RAB4B: variants seen among roughly 807,000 people sequenced by gnomAD.
The protein encoded by RAB4B is ras-related protein Rab-4B.
RAB4B carries 15 observed loss-of-function variants against 28.3 expected under a neutral mutation model. That is an observed-to-expected ratio of 0.53 (90% confidence interval 0.35 to 0.82). The LOEUF (loss-of-function observed/expected upper bound fraction) is 0.82, where lower values mean the gene tolerates loss of function less well. RAB4B is among the 40% of genes least tolerant of loss of function. RAB4B has a pLI of 0.01. For missense variants in RAB4B, 244 were observed against 288.5 expected (o/e 0.85, Z 1.12); for synonymous variants, 108 against 116.3 (o/e 0.93, Z 0.46).
At chr19:40,789,566 C>T (rs1416390179) in intron 7 of RAB4B, among the ~76,000 whole-genome samples, 1 of 145,298 alleles carries the variant, frequency 6.9e-6, no homozygotes, top group Non-Finnish European at 1.5e-5. Context: ...TGCAGTGGCA[C>T]GATCTCGGCT....
chr19:40,782,141 A>G (rs948067316), intron 3 of RAB4B, among the ~76,000 whole-genome samples: 2 of 152,122 alleles, frequency 1.3e-5, no homozygotes, highest in Admixed American at 6.6e-5. Flanking sequence ...TGCTGAGTTA[A>G]TTCTTGCGTA....
At chr19:40,794,232 GC>G (rs200039365) in intron 7 of RAB4B, among the ~76,000 whole-genome samples, 9,957 of 151,652 alleles carry the variant, frequency 0.066, 396 homozygotes, top group East Asian at 0.2. Context: ...CCGCCACCAC[GC>G]CCAGCTAATT....
At chr19:40,781,396 A>G (rs2083046526) in intron 3 of RAB4B, among the ~76,000 whole-genome samples, 1 of 152,108 alleles carries the variant, frequency 6.6e-6, no homozygotes, top group African/African-American at 2.4e-5. Context: ...AGAGGGAGAC[A>G]GGGTGAGTCA....
intron 7 of RAB4B, chr19:40,792,650 T>C (rs1246737167): frequency 6.6e-6 from 1 of 152,250 alleles, no homozygotes; most frequent in Non-Finnish European, 1.5e-5. Flanking sequence ...TTTCGTTTCT[T>C]GGCACTAAAA....
intron 7 of RAB4B, among the ~76,000 whole-genome samples, chr19:40,793,652 G>A (rs1352832078): frequency 3.4e-5 from 5 of 147,366 alleles, no homozygotes; most frequent in East Asian, 2.1e-4. Context: ...CTTGCCGGGC[G>A]CAGTGGCTCA....
chr19:40,781,112 T>TAAAAAAAAAA (rs941942424), intron 3 of RAB4B, among the ~76,000 whole-genome samples: 3 of 76,670 alleles, frequency 3.9e-5, no homozygotes, highest in African/African-American at 9.9e-5. Context: ...GTGTCTCTAC[T>TAAAAAAAAAA]AAAAAAAAAA....
intron 7 of RAB4B, among the ~76,000 whole-genome samples, chr19:40,788,390 G>A (rs1178049332): frequency 6.6e-6 from 1 of 151,014 alleles, no homozygotes; most frequent in Non-Finnish European, 1.5e-5. Flanking sequence ...AGGCTGAGGT[G>A]GGAGGATGGC....
chr19:40,793,565 C>CTTTTTTGTTTTTTTTTTTTTTTTTT (rs2083178769), intron 7 of RAB4B, among the ~76,000 whole-genome samples: 1 of 123,838 alleles, frequency 8.1e-6, no homozygotes, highest in East Asian at 2.5e-4. Flanking sequence ...CTTTTCTTTT[C>CTTTTTTGTTTTTTTTTTTTTTTTTT]TTTTTTGTTT....
chr19:40,782,416 T>C (rs1382154657), intron 3 of RAB4B, among the ~76,000 whole-genome samples: 1 of 151,938 alleles, frequency 6.6e-6, no homozygotes, highest in East Asian at 1.9e-4. Flanking sequence ...GGAGATTTGC[T>C]CAGAAAATGT....
At chr19:40,787,555 A>G (rs1301707365) in intron 7 of RAB4B, among the ~76,000 whole-genome samples, 22 of 145,744 alleles carry the variant, frequency 1.5e-4, no homozygotes, top group Non-Finnish European at 7.5e-5. Context: ...AAAGAAAGAA[A>G]GGTCAGGACC....
chr19:40,795,427 T>A (rs2083200664), intron 7 of RAB4B, among the ~76,000 whole-genome samples: 1 of 151,616 alleles, frequency 6.6e-6, no homozygotes, highest in South Asian at 2.1e-4. Flanking sequence ...TGAGATGGAG[T>A]GTCCCTCTGT....
intron 7 of RAB4B, among the ~76,000 whole-genome samples, chr19:40,789,594 C>T (rs2083138260): frequency 6.6e-6 from 1 of 150,936 alleles, no homozygotes; most frequent in African/African-American, 2.4e-5. Flanking sequence ...ACCTCTGCCT[C>T]CTGGGTTCAA....
At chr19:40,783,687 G>A (rs908283055) in intron 3 of RAB4B, 91 bp from the exon 4 acceptor site, 3 of 1,280,552 alleles carry the variant, frequency 2.3e-6, no homozygotes, top group Non-Finnish European at 3.1e-6. Context: ...GAAGGGGGGG[G>A]CCTCCGAACC....
intron 1 of RAB4B, 148 bp downstream of exon 1, chr19:40,778,539 T>A: frequency 1.3e-6 from 1 of 783,876 alleles, no homozygotes; most frequent in Non-Finnish European, 1.8e-6. Flanking sequence ...GTTTAGTGGG[T>A]CTGAGGCTGA....
intron 5 of RAB4B, 104 bp from the exon 6 acceptor site, chr19:40,786,561 G>A: frequency 1.2e-5 from 18 of 1,537,020 alleles, no homozygotes; most frequent in Non-Finnish European, 1.6e-5. Flanking sequence ...TGAGGGTAAG[G>A]GGGGATGGAA....
rs1568490058 is a variant in RAB4B at position 40,778,342 on chromosome 19, C to T, written c.-34C>T. ...CCGAGGAGCAGGCGCGGCCGCGGCGCCATATTGCGGCCCTCAGCGGCCGCG... is the reference window on the plus strand; with the variant it reads ...CCGAGGAGCAGGCGCGGCCGCGGCGTCATATTGCGGCCCTCAGCGGCCGCG... On this transcript the variant is annotated 5_prime_UTR_variant, in exon 1 of 8. Coordinates refer to ENST00000357052, the MANE Select transcript of RAB4B (RefSeq NM_016154.5). 2.0e-6 allele frequency: 3 copies of T among 1,494,584 alleles called. No individual in the cohort carries two copies. The highest frequency in any genetic ancestry group is 2.7e-6 in the Non-Finnish European group (3 of 1,129,038). The allele number at this position is 1,494,584 out of a possible 1,614,324, so 92.6% of individuals were successfully genotyped here. A position where few individuals can be genotyped will look rare whatever the true frequency, so the allele number is the denominator to read the frequency against.
intron 1 of RAB4B, chr19:40,779,767 A>G: frequency 1.1e-6 from 1 of 927,466 alleles, no homozygotes; most frequent in South Asian, 2.5e-5. Context: ...ACAACGACAA[A>G]AAAACCCCTG....
intron 1 of RAB4B, chr19:40,779,237 G>C (rs1425453890): frequency 6.2e-6 from 1 of 160,108 alleles, no homozygotes; most frequent in Non-Finnish European, 1.3e-5. Context: ...GGAGCCCTTG[G>C]CCTAGGTTTG....
intron 7 of RAB4B, among the ~76,000 whole-genome samples, chr19:40,794,310 C>G (rs1312781772): frequency 1.3e-5 from 2 of 151,826 alleles, no homozygotes; most frequent in African/African-American, 4.8e-5. Context: ...CTCCTGACCT[C>G]AGGTGATCCG....
Sources: gnomAD v4.1 joint callset for allele counts (sites outside exome capture counted in the v4.1 genomes callset) on GRCh38, gnomAD v4.1.1 for gene constraint, MANE v1.5 for transcripts, NCBI Gene and HGNC (gene_info 2026-07-23, HGNC 2026-07-21) for gene names.